SVBP: variants seen among roughly 807,000 people sequenced by gnomAD.
SVBP encodes small vasohibin-binding protein.
A neutral mutation model predicts 9.2 loss-of-function variants in SVBP; 9 were observed. That is an observed-to-expected ratio of 0.98 (90% CI 0.59 to 1.71). The LOEUF is 1.71. Ranked by LOEUF, SVBP falls within the 40% of genes most tolerant of loss-of-function variation. The pLI is 0.00. For synonymous variants in SVBP, 27 were observed against 23.9 expected (o/e 1.13, Z -0.37); for missense variants, 63 against 73.2 (o/e 0.86, Z 0.51).
intron 2 of SVBP, chr1:42,813,574 G>T: frequency 1.9e-6 from 1 of 530,564 alleles, no homozygotes. Flanking sequence ...TTTTCATTTG[G>T]TTTTCCAAAT....
At chr1:42,811,555 C>G (rs578195123) in intron 2 of SVBP, among the ~76,000 whole-genome samples, 1 of 152,316 alleles carries the variant, frequency 6.6e-6, no homozygotes, top group South Asian at 2.1e-4. Context: ...ACAATAAGAG[C>G]AGGCTGCCTG....
At chr1:42,810,275 G>C (rs946406309) in intron 2 of SVBP, among the ~76,000 whole-genome samples, 1 of 152,100 alleles carries the variant, frequency 6.6e-6, no homozygotes, top group Non-Finnish European at 1.5e-5. Context: ...AGCCTCCTGA[G>C]TAGCTGGGAC....
chr1:42,817,079 CCCCGGCCCG>C (rs1250286635), intron 1 of SVBP, 102 bp downstream of exon 1: 1 of 645,528 alleles, frequency 1.5e-6, no homozygotes, highest in Non-Finnish European at 2.0e-6. Context: ...CCCGACCCCG[CCCCGGCCCG>C]CCCGGCCCCA....
chr1:42,807,828 A>G (rs1393065413), intron 2 of SVBP, among the ~76,000 whole-genome samples: 1 of 151,950 alleles, frequency 6.6e-6, no homozygotes, highest in Non-Finnish European at 1.5e-5. Flanking sequence ...ATTTATCCAC[A>G]AATAATCTTC....
intron 2 of SVBP, among the ~76,000 whole-genome samples, chr1:42,811,419 T>G (rs1247413074): frequency 1.3e-5 from 2 of 152,222 alleles, no homozygotes; most frequent in African/African-American, 2.4e-5. Context: ...TGGCTATGCA[T>G]GTGTAGGCTT....
At chr1:42,816,032 G>A (rs2124256458) in intron 2 of SVBP, among the ~76,000 whole-genome samples, 1 of 152,322 alleles carries the variant, frequency 6.6e-6, no homozygotes. Context: ...GGAACACACT[G>A]GTGAGTTTAA....
rs370658595 is a variant in SVBP at position 42,807,153 on chromosome 1, G to GTGTTT, written c.*260_*261insAAACA. The GTGTTT allele has an allele frequency of 0.036, 6,560 of 180,814 alleles. 144 individuals carry two copies. The highest frequency in any genetic ancestry group is 0.063 in the Admixed American group (794 of 12,554). The allele number at this position is 180,814 out of a possible 1,614,324, so 11.2% of individuals were successfully genotyped here. On this transcript the variant is annotated 3_prime_UTR_variant, in exon 3 of 3. Transcript: ENST00000372521. Reference sequence around the variant, plus strand: ...AATAGAAAAAGTGTTTTTTGTGTGTGTTTTTTTTTTTTTTTTAAAAAAACC... The same window carrying GTGTTT: ...AATAGAAAAAGTGTTTTTTGTGTGTGTGTTTTTTTTTTTTTTTTTTTAAAAAAACC...
chr1:42,816,640 A>T, intron 1 of SVBP, 60 bp from the exon 2 acceptor site: 1 of 843,752 alleles, frequency 1.2e-6, no homozygotes, highest in Non-Finnish European at 2.0e-6. Context: ...ATACCCTGCC[A>T]GTTACTCCTC....
At chr1:42,813,590 G>A in intron 2 of SVBP, 1 of 529,804 alleles carries the variant, frequency 1.9e-6, no homozygotes, top group South Asian at 1.4e-5. Context: ...CAAATTGGGG[G>A]TGCTCTCCAC....
chr1:42,816,461 C>T lies in SVBP; in HGVS notation c.84G>A (p.Gln28=). Residue 28 remains glutamine, a synonymous_variant, in exon 2 of 3, where the codon CAG becomes CAA. Transcript: ENST00000372521. ...RVEKAKQKSA[Q]QELKQRQRAE... ...CTCTTTGTCTCTGCTTCAGCTCCTGCTGGGCTGATTTCTGTTTGGCCTTCT... is the reference window on the plus strand; with the variant it reads ...CTCTTTGTCTCTGCTTCAGCTCCTGTTGGGCTGATTTCTGTTTGGCCTTCT... 6.2e-7 allele frequency: 1 copy of T among 1,613,938 alleles called. No individual in the cohort carries two copies. Among genetic ancestry groups the T allele is most frequent in the Non-Finnish European group, 8.5e-7 (1 of 1,179,846 alleles).
intron 2 of SVBP, among the ~76,000 whole-genome samples, chr1:42,811,920 GTTTT>G (rs970306846): frequency 6.6e-6 from 1 of 151,530 alleles, no homozygotes; most frequent in Admixed American, 6.6e-5. Context: ...TCATAGGGCT[GTTTT>G]TTTTAAAAAC....
In SVBP at chr1:42,817,181, A is replaced by G. The variant is rs1332892877; in HGVS notation, c.-37+9T>C. The G allele has an allele frequency of 1.6e-6, 2 of 1,244,122 alleles. No homozygotes were observed. Among genetic ancestry groups the G allele is most frequent in the Admixed American group, 2.6e-5 (1 of 38,012 alleles). The allele number at this position is 1,244,122 out of a possible 1,614,324, so 77.1% of individuals were successfully genotyped here. ...GGAGCCGCCGACCAAGAGGCTTGGG[A>G]GTCTGTACCTTTCCCGACCGGGCCA... is the stretch of plus-strand genomic sequence containing the variant. On this transcript the variant is annotated intron_variant, in intron 1 of 2. Coordinates refer to ENST00000372521, the MANE Select transcript of SVBP (RefSeq NM_199342.4).
Position 42,817,377 on chromosome 1 carries a change from G to A in SVBP, c.-224C>T. On this transcript the variant is annotated 5_prime_UTR_variant, in exon 1 of 3. Coordinates refer to ENST00000372521, the MANE Select transcript of SVBP (RefSeq NM_199342.4). The stretch of plus-strand genomic sequence containing the variant: ...GAGCGCCAGGAGGCTTCCGCCCGCA[G>A]GAGCGGCCGCGCGTGCGCAGAGAGG... 1.8e-6 allele frequency: 1 copy of A among 547,990 alleles called. No homozygotes were observed. The highest frequency in any genetic ancestry group is 2.4e-6 in the Non-Finnish European group (1 of 409,772). The allele number at this position is 547,990 out of a possible 1,614,324, so 33.9% of individuals were successfully genotyped here.
At position 42,807,179 on chromosome 1, in the gene SVBP, CA is replaced by C; in HGVS notation, c.*234del. 3.3e-6 allele frequency: 1 copy of C among 301,332 alleles called. No individual in the cohort carries two copies. The highest frequency in any genetic ancestry group is 6.0e-6 in the Non-Finnish European group (1 of 166,550). The allele number at this position is 301,332 out of a possible 1,614,324, so 18.7% of individuals were successfully genotyped here. On this transcript the variant is annotated 3_prime_UTR_variant, in exon 3 of 3. Transcript: ENST00000372521. Reference sequence around the variant, plus strand: ...TTTTTTTTTTTTTTTTAAAAAAACCCAAAAAACAAAACCACTGTCTTAGAAG... The same window carrying C: ...TTTTTTTTTTTTTTTTAAAAAAACCCAAAAACAAAACCACTGTCTTAGAAG...
At chr1:42,808,824 G>A (rs1654021938) in intron 2 of SVBP, among the ~76,000 whole-genome samples, 1 of 152,040 alleles carries the variant, frequency 6.6e-6, no homozygotes, top group East Asian at 1.9e-4. Context: ...AGCCTCCCAA[G>A]TAGCTGAGAT....
At chr1:42,814,601 G>C (rs1448261662) in intron 2 of SVBP, among the ~76,000 whole-genome samples, 1 of 42,082 alleles carries the variant, frequency 2.4e-5, no homozygotes, top group Non-Finnish European at 4.4e-5. Flanking sequence ...GGGTGACAGA[G>C]CAAGACTCCG....
At chr1:42,816,225 G>C (rs1654203240) in intron 2 of SVBP, 1 of 507,702 alleles carries the variant, frequency 2.0e-6, no homozygotes, top group Non-Finnish European at 3.5e-6. Flanking sequence ...GCACCAGACT[G>C]GGGTTCTGAC....
chr1:42,808,143 G>GTATATATATA (rs1344012080), intron 2 of SVBP, among the ~76,000 whole-genome samples: 19 of 44,638 alleles, frequency 4.3e-4, no homozygotes, highest in South Asian at 9.1e-4. Flanking sequence ...TAGTGTGTGT[G>GTATATATATA]TGTGTGTATA....
rs539303522 is a variant in SVBP, at chr1:42,816,785, C to T, written c.-36-205G>A. ...GGGTGTCCCTGGGCAAGTCTCCTCC[C>T]CACTTTGAGCCTTAGTTTTCTGTCT... is the stretch of plus-strand genomic sequence containing the variant. On this transcript the variant is annotated intron_variant, in intron 1 of 2. Coordinates refer to ENST00000372521, the MANE Select transcript of SVBP (RefSeq NM_199342.4). 23 of 458,304 alleles carry T rather than the reference C, an allele frequency of 5.0e-5. No individual in the cohort carries two copies. The East Asian group carries it at 9.3e-4, about 19-fold the overall frequency. The allele number at this position is 458,304 out of a possible 1,614,324, so 28.4% of individuals were successfully genotyped here.
Sources: gnomAD v4.1 joint callset for allele counts (sites outside exome capture counted in the v4.1 genomes callset) on GRCh38, gnomAD v4.1.1 for gene constraint, MANE v1.5 for transcripts, NCBI Gene and HGNC (gene_info 2026-07-23, HGNC 2026-07-21) for gene names.